The following NRXN1 variants were observed in gnomAD, a reference collection of about 807,000 sequenced individuals.
The protein encoded by NRXN1 is neurexin-1.
Under a neutral mutation model 150.9 loss-of-function variants are expected in NRXN1, and 39 were observed. That is an observed-to-expected ratio of 0.26 (90% CI 0.20 to 0.34). The LOEUF (loss-of-function observed/expected upper bound fraction) is 0.34. Among genes scored for constraint, NRXN1 ranks in the 10% least tolerant of loss-of-function variants. The pLI is 1.00. For missense variants in NRXN1, 1,815 were observed against 1,949.9 expected (o/e 0.93, Z 1.30); for synonymous variants, 924 against 757.0 (o/e 1.22, Z -3.62).
At chr2:50,364,092 G>A (rs999240815) in intron 17 of NRXN1, among the ~76,000 whole-genome samples, 1 of 152,126 alleles carries the variant, frequency 6.6e-6, no homozygotes, top group African/African-American at 2.4e-5. Context: ...GCCTGTTGGG[G>A]GTTGGGGAGC....
At chr2:50,417,529 CCT>C in intron 17 of NRXN1, among the ~76,000 whole-genome samples, 1 of 151,880 alleles carries the variant, frequency 6.6e-6, no homozygotes, top group South Asian at 2.1e-4. Context: ...CTGCTGTATC[CCT>C]GACATTCTGC....
chr2:50,903,635 G>T (rs540061579), intron 5 of NRXN1, among the ~76,000 whole-genome samples: 2 of 152,108 alleles, frequency 1.3e-5, no homozygotes, highest in African/African-American at 2.4e-5. Flanking sequence ...ATAAAATGGG[G>T]CTTACTTGTA....
At chr2:50,600,871 G>A (rs1219795078) in intron 8 of NRXN1, among the ~76,000 whole-genome samples, 1 of 152,008 alleles carries the variant, frequency 6.6e-6, no homozygotes, top group East Asian at 1.9e-4. Context: ...AAGAGAAAAT[G>A]ACATGAAGGA....
intron 21 of NRXN1, among the ~76,000 whole-genome samples, chr2:49,971,507 G>C (rs1416444746): frequency 6.6e-6 from 1 of 152,128 alleles, no homozygotes; most frequent in Non-Finnish European, 1.5e-5. Flanking sequence ...CTGCCCATAA[G>C]GAGAATGTGT....
chr2:50,472,464 T>G lies in NRXN1; in HGVS notation c.3078A>C (p.Leu1026Phe), dbSNP rs201163793. 1 of 1,610,424 alleles carries G rather than the reference T, an allele frequency of 6.2e-7. No homozygotes were observed. Among genetic ancestry groups the G allele is most frequent in the Non-Finnish European group, 8.5e-7 (1 of 1,177,646 alleles). The change falls in exon 16 of 23, where the codon TTA (leucine) becomes TTC (phenylalanine). Residue 1026 changes from leucine to phenylalanine, a missense_variant. Leu to Phe is a conservative substitution (Grantham distance 22, BLOSUM62 0). Coordinates refer to ENST00000401669, the MANE Select transcript of NRXN1 (RefSeq NM_001330078.2). ...GARNLDLKSDLYIGGVAKETY... is the reference protein window; with the variant it reads ...GARNLDLKSDFYIGGVAKETY... ...TTTCTTTAGCTACTCCTCCTATATA[T>G]AAGTCACCTGCAAGAAGATCAAAGT...
intron 5 of NRXN1, among the ~76,000 whole-genome samples, chr2:50,787,594 A>C (rs1705314509): frequency 6.6e-6 from 1 of 151,816 alleles, no homozygotes; most frequent in Non-Finnish European, 1.5e-5. Flanking sequence ...AACAACAACA[A>C]CAACAACAAC....
chr2:50,848,477 T>G (rs76827600), intron 5 of NRXN1, among the ~76,000 whole-genome samples: 1,526 of 152,098 alleles, frequency 0.01, 26 homozygotes, highest in Non-Finnish European at 0.012. Context: ...CTGCTTCGGT[T>G]TGGGAGGCAA....
intron 5 of NRXN1, among the ~76,000 whole-genome samples, chr2:50,855,466 T>C (rs1408277804): frequency 6.6e-6 from 1 of 151,992 alleles, no homozygotes; most frequent in Non-Finnish European, 1.5e-5. Flanking sequence ...GCAAAACTTA[T>C]GGTCTTTGTA....
intron 17 of NRXN1, among the ~76,000 whole-genome samples, chr2:50,287,020 C>T (rs892661304): frequency 6.6e-6 from 1 of 151,920 alleles, no homozygotes; most frequent in Non-Finnish European, 1.5e-5. Flanking sequence ...GTTGAAGGTG[C>T]TTTGTAATTT....
chr2:50,838,666 G>C (rs150393926), intron 5 of NRXN1, among the ~76,000 whole-genome samples: 1 of 152,030 alleles, frequency 6.6e-6, no homozygotes, highest in Non-Finnish European at 1.5e-5. Flanking sequence ...AAGACACACC[G>C]GGAGAAGCTG....
chr2:50,387,144 A>G (rs935086463), intron 17 of NRXN1, among the ~76,000 whole-genome samples: 1 of 152,148 alleles, frequency 6.6e-6, no homozygotes, highest in Non-Finnish European at 1.5e-5. Context: ...ATCCATGAAT[A>G]TACAATTTGT....
chr2:49,923,573 G>A (rs201046722), intron 22 of NRXN1, among the ~76,000 whole-genome samples: 5 of 152,156 alleles, frequency 3.3e-5, no homozygotes, highest in African/African-American at 4.8e-5. Context: ...CTTTTATTTC[G>A]CTACTACTAA....
At chr2:50,158,435 T>A (rs1026657731) in intron 18 of NRXN1, among the ~76,000 whole-genome samples, 3 of 151,692 alleles carry the variant, frequency 2.0e-5, no homozygotes, top group African/African-American at 4.8e-5. Flanking sequence ...CCAAGAGAAA[T>A]TAAACTATGT....
intron 21 of NRXN1, among the ~76,000 whole-genome samples, chr2:50,046,770 A>G (rs1172318534): frequency 1.3e-5 from 2 of 152,162 alleles, no homozygotes; most frequent in African/African-American, 4.8e-5. Context: ...CTTGACCACT[A>G]TGCATAGTGC....
chr2:50,378,342 G>GT (rs752618228), intron 17 of NRXN1, among the ~76,000 whole-genome samples: 1 of 152,140 alleles, frequency 6.6e-6, no homozygotes, highest in African/African-American at 2.4e-5. Flanking sequence ...TAAACTCATC[G>GT]TAAGTTGAAA....
intron 5 of NRXN1, among the ~76,000 whole-genome samples, chr2:50,915,724 A>C (rs537338123): frequency 6.6e-6 from 1 of 151,360 alleles, no homozygotes; most frequent in African/African-American, 2.4e-5. Context: ...CCTTTGGCAG[A>C]TTACAGATCA....
intron 17 of NRXN1, among the ~76,000 whole-genome samples, chr2:50,291,686 C>T (rs1168200471): frequency 6.6e-6 from 1 of 152,158 alleles, no homozygotes; most frequent in Non-Finnish European, 1.5e-5. Flanking sequence ...TGCTATTTTT[C>T]CCTAAGGACA....
At chr2:50,201,657 AC>A (rs1353469608) in intron 18 of NRXN1, among the ~76,000 whole-genome samples, 2 of 152,210 alleles carry the variant, frequency 1.3e-5, no homozygotes, top group East Asian at 3.8e-4. Context: ...ATAATAAATT[AC>A]CACAAAACTA....
chr2:49,956,029 T>G (rs1031998262), intron 21 of NRXN1, among the ~76,000 whole-genome samples: 1 of 152,166 alleles, frequency 6.6e-6, no homozygotes, highest in African/African-American at 2.4e-5. Flanking sequence ...AGAAGGCATC[T>G]ATCATTTTAT....
Sources: allele counts gnomAD v4.1 joint callset (sites outside exome capture counted in the v4.1 genomes callset), GRCh38; gene constraint gnomAD v4.1.1; transcripts MANE v1.5; gene names NCBI Gene and HGNC (gene_info 2026-07-23, HGNC 2026-07-21).